The following RNF10 variants were observed in gnomAD, a reference collection of about 807,000 sequenced individuals.
The protein encoded by RNF10 is E3 ubiquitin-protein ligase RNF10.
Under a neutral mutation model 91.4 loss-of-function variants are expected in RNF10, and 38 were observed. The ratio of observed to expected loss-of-function variants is 0.42; its 90% CI spans 0.32 to 0.54. The LOEUF (loss-of-function observed/expected upper bound fraction) is 0.54, where lower values mean the gene tolerates loss of function less well. RNF10 is among the 20% of genes least tolerant of loss of function. RNF10 has a pLI of 0.16. For missense variants in RNF10, 945 were observed against 1,012.0 expected, an observed-to-expected ratio of 0.93 and a Z score of 0.90; for synonymous variants, 364 against 366.3, an observed-to-expected ratio of 0.99 and a Z score of 0.07.
Position 120,534,929 on chromosome 12 carries a change from G to A in RNF10, c.118G>A (p.Ala40Thr). ...SSKGQQPPRS[A>T]SAGPAGESKP... Reference sequence around the variant, plus strand: ...CAAAGGGCAACAGCCGCCCCGCTCCGCCTCGGCGGGGCCAGCCGGCGAGTC... The same window carrying A: ...CAAAGGGCAACAGCCGCCCCGCTCCACCTCGGCGGGGCCAGCCGGCGAGTC... The change falls in exon 1 of 17, where the codon GCC becomes ACC. Residue 40 changes from alanine (A) to threonine (T), a missense_variant. Coordinates refer to ENST00000325954, the MANE Select transcript of RNF10 (RefSeq NM_014868.5). 1 of 1,604,628 alleles carries A rather than the reference G, an allele frequency of 6.2e-7. No individual in the cohort carries two copies. The highest frequency in any genetic ancestry group is 8.5e-7 in the Non-Finnish European group (1 of 1,179,268).
Position 120,576,612 on chromosome 12 carries a change from A to T in RNF10, c.2382A>T (p.Arg794Ser). 6.2e-7 allele frequency: 1 copy of T among 1,613,944 alleles called. No individual in the cohort carries two copies. Among genetic ancestry groups the T allele is most frequent in the Non-Finnish European group, 8.5e-7 (1 of 1,179,894 alleles). ...PLSEEKGGKKRKKQKQKLLFS... is the reference protein window; with the variant it reads ...PLSEEKGGKKSKKQKQKLLFS... Reference sequence around the variant, plus strand: ...TAGAAGAGAAAGGAGGAAAGAAAAGAAAAAAACAGAAACAGAAGCTCCTGT... The same window carrying T: ...TAGAAGAGAAAGGAGGAAAGAAAAGTAAAAAACAGAAACAGAAGCTCCTGT... Residue 794 changes from arginine (R) to serine (S), a missense_variant, in exon 17 of 17, where the codon AGA (arginine) becomes AGT (serine). By Grantham distance (110) the Arg-to-Ser change is moderately radical (BLOSUM62 -1). Coordinates refer to ENST00000325954, the MANE Select transcript of RNF10 (RefSeq NM_014868.5).
chr12:120,557,728 T>C, intron 6 of RNF10, 46 bp downstream of exon 6: 1 of 1,601,114 alleles, frequency 6.2e-7, no homozygotes, highest in Non-Finnish European at 8.6e-7. Context: ...GGTACATTCT[T>C]TAAGGTGATT....
In RNF10 at chr12:120,577,047, C is replaced by T; in HGVS notation, c.*381C>T. ...ACACTGCTCTGCTGTAGCATCATGT[C>T]AGGGCTTCCTGGACTCAGTACACCT... On this transcript the variant is annotated 3_prime_UTR_variant, in exon 17 of 17. Transcript: ENST00000325954. The T allele has an allele frequency of 2.6e-6, 1 of 389,146 alleles. No homozygotes were observed. Among genetic ancestry groups the T allele is most frequent in the South Asian group, 2.0e-5 (1 of 50,198 alleles). The allele number at this position is 389,146 out of a possible 1,614,324, so 24.1% of individuals were successfully genotyped here.
At position 120,574,312 on chromosome 12, in the gene RNF10, T is replaced by C. The variant is rs550819494; in HGVS notation, c.2143-1319T>C. 1.2e-4 allele frequency among the ~76,000 whole-genome samples: 18 copies of C among 152,388 alleles called. No homozygotes were observed. In the South Asian group the frequency reaches 2.1e-3, roughly 18 times the overall value. On this transcript the variant is annotated intron_variant, in intron 14 of 16. Transcript: ENST00000325954. ...GAACCCCATGGGGTTTGTCTCTTGATATTTTTCCAGGAATAAAATGTTCTC... is the reference window on the plus strand; with the variant it reads ...GAACCCCATGGGGTTTGTCTCTTGACATTTTTCCAGGAATAAAATGTTCTC...
rs1877463080 is a variant in RNF10, at chr12:120,576,856, C to G, written c.*190C>G. 1 of 646,886 alleles carries G rather than the reference C, an allele frequency of 1.5e-6. No individual in the cohort carries two copies. The highest frequency in any genetic ancestry group is 1.8e-5 in the African/African-American group (1 of 54,210). The allele number at this position is 646,886 out of a possible 1,614,324, so 40.1% of individuals were successfully genotyped here. ...TACAGTGTATTTTCCAGCTTCCTGT[C>G]TTTACACCAAAATAAAGTATTGACA... On this transcript the variant is annotated 3_prime_UTR_variant, in exon 17 of 17. Coordinates refer to ENST00000325954, the MANE Select transcript of RNF10 (RefSeq NM_014868.5).
rs528382005 is a variant in RNF10 at position 120,542,828 on chromosome 12, C to T, written c.158-3577C>T. Among the ~76,000 whole-genome samples, 11 of 152,324 alleles carry T rather than the reference C, an allele frequency of 7.2e-5. No homozygotes were observed. In the East Asian group the frequency reaches 2.1e-3, roughly 29 times the overall value. On this transcript the variant is annotated intron_variant, in intron 1 of 16. Transcript: ENST00000325954. ...TTGGCCTCCCAAAGTGCTGGGATTA[C>T]AGGGAGCCACCATGCCTGGCCTTAA...
chr12:120,563,307 G>A (rs758965467), intron 8 of RNF10, 40 bp from the exon 9 acceptor site: 2 of 1,577,772 alleles, frequency 1.3e-6, no homozygotes, highest in Admixed American at 1.8e-5. Context: ...TCGGAAAGCA[G>A]GAGATATCCT....
intron 2 of RNF10, among the ~76,000 whole-genome samples, chr12:120,548,616 G>A (rs992496873): frequency 6.6e-6 from 1 of 151,904 alleles, no homozygotes; most frequent in Non-Finnish European, 1.5e-5. Context: ...GAGATGTGAG[G>A]CGGTGCTTGA....
intron 2 of RNF10, among the ~76,000 whole-genome samples, chr12:120,552,134 C>T (rs1361447884): frequency 4.1e-5 from 6 of 147,266 alleles, no homozygotes; most frequent in Non-Finnish European, 8.9e-5. Flanking sequence ...GTGGCTCATG[C>T]CTGTAATCCC....
chr12:120,562,271 CTTTTTTT>C (rs71076634), intron 7 of RNF10, among the ~76,000 whole-genome samples: 1 of 100,122 alleles, frequency 1.0e-5, no homozygotes, highest in African/African-American at 3.8e-5. Context: ...TTCTTTCTTT[CTTTTTTT>C]TTTTTTTTTT....
intron 7 of RNF10, among the ~76,000 whole-genome samples, chr12:120,562,271 C>T (rs532725): frequency 0.52 from 52,166 of 100,458 alleles, 16,302 homozygotes; most frequent in East Asian, 0.73. Context: ...TTCTTTCTTT[C>T]TTTTTTTTTT....
In RNF10 at chr12:120,557,610, A is replaced by T. The variant is rs1297250666; in HGVS notation, c.895A>T (p.Arg299Trp). The change falls in exon 6 of 17, where the codon AGG (arginine) becomes TGG (tryptophan). Residue 299 changes from arginine (R) to tryptophan (W), a missense_variant. Arg to Trp is a moderately radical substitution (Grantham distance 101, BLOSUM62 -3). Transcript: ENST00000325954. ...TACCATTACGATGCAGCTGATGAAG[A>T]GGGAGAAAGGGGTGTTGGTGGCTTT... ...GDTITMQLMKREKGVLVALPK... is the reference protein window; with the variant it reads ...GDTITMQLMKWEKGVLVALPK... 1 of 1,614,198 alleles carries T rather than the reference A, an allele frequency of 6.2e-7. No individual in the cohort carries two copies.
Position 120,546,565 on chromosome 12 carries a change from C to G in RNF10, c.318C>G (p.Leu106=), listed in dbSNP as rs1239837580. The G allele has an allele frequency of 6.2e-7, 1 of 1,613,492 alleles. No homozygotes were observed. ...AAAGGGGCGGCGGCAGCAGCAAACT[C>G]TTTAGCTCTTCTTTTAATGGTGGAA... The part of the protein sequence containing the change: ...PPQRGGGSSK[L]FSSSFNGGRR... Residue 106 remains leucine (L), a synonymous_variant, in exon 2 of 17, where the codon CTC becomes CTG. Coordinates refer to ENST00000325954, the MANE Select transcript of RNF10 (RefSeq NM_014868.5).
intron 6 of RNF10, among the ~76,000 whole-genome samples, chr12:120,559,241 G>C (rs564802488): frequency 7.0e-6 from 1 of 142,700 alleles, no homozygotes; most frequent in African/African-American, 2.7e-5. Flanking sequence ...GAGTGCAATG[G>C]TGTGATCTCG....
At chr12:120,567,729 TAAAG>T (rs1252764340) in intron 13 of RNF10, among the ~76,000 whole-genome samples, 3 of 149,992 alleles carry the variant, frequency 2.0e-5, no homozygotes, top group South Asian at 2.1e-4. Flanking sequence ...TCACACCTGT[TAAAG>T]AAGGGAATGT....
At chr12:120,576,475 C>CT in intron 16 of RNF10, 115 bp from the exon 17 acceptor site, 2 of 1,453,242 alleles carry the variant, frequency 1.4e-6, no homozygotes, top group Non-Finnish European at 1.8e-6. Flanking sequence ...TCTAGGCAGT[C>CT]TAATTCCAGA....
chr12:120,536,817 A>G (rs577070937), intron 1 of RNF10, among the ~76,000 whole-genome samples: 1 of 152,190 alleles, frequency 6.6e-6, no homozygotes, highest in African/African-American at 2.4e-5. Flanking sequence ...CTCCTCTTTA[A>G]GCCACTAACA....
intron 7 of RNF10, among the ~76,000 whole-genome samples, chr12:120,562,119 G>T (rs954302861): frequency 2.0e-5 from 3 of 151,908 alleles, no homozygotes; most frequent in African/African-American, 7.3e-5. Flanking sequence ...GTACCCATTG[G>T]TTATTTTTCC....
At chr12:120,541,789 G>C (rs1030496636) in intron 1 of RNF10, among the ~76,000 whole-genome samples, 3 of 151,180 alleles carry the variant, frequency 2.0e-5, no homozygotes, top group Non-Finnish European at 2.9e-5. Context: ...ATGCAGTGGT[G>C]CAAACATAAC....
Sources: gnomAD v4.1 joint callset for allele counts (sites outside exome capture counted in the v4.1 genomes callset) on GRCh38, gnomAD v4.1.1 for gene constraint, MANE v1.5 for transcripts, NCBI Gene and HGNC (gene_info 2026-07-23, HGNC 2026-07-21) for gene names.